CCDC149: variants seen among roughly 807,000 people sequenced by gnomAD.
CCDC149 encodes coiled-coil domain-containing protein 149.
Under a neutral mutation model 59.9 loss-of-function variants are expected in CCDC149, and 45 were observed. The observed-to-expected ratio is 0.75, with a 90% CI of 0.59 to 0.96. The LOEUF (loss-of-function observed/expected upper bound fraction) is 0.96. Among genes scored for constraint, CCDC149 ranks in the 40% least tolerant of loss-of-function variants. The pLI is 0.00. For missense variants in CCDC149, 584 were observed against 664.7 expected (o/e 0.88, Z 1.33); for synonymous variants, 245 against 260.6 (o/e 0.94, Z 0.58).
chr4:24,936,403 A>C (rs1288692500), intron 1 of CCDC149, among the ~76,000 whole-genome samples: 1 of 152,000 alleles, frequency 6.6e-6, no homozygotes, highest in East Asian at 1.9e-4. Context: ...ATTTTCTTTA[A>C]ATATTTTAAA....
At chr4:24,827,517 G>C (rs1715840113) in intron 9 of CCDC149, 2 of 152,236 alleles carry the variant, frequency 1.3e-5, no homozygotes, top group Admixed American at 1.3e-4. Context: ...GGGCCTGGGG[G>C]GAAGGTCTGG....
At chr4:24,900,746 T>G (rs527612455) in intron 1 of CCDC149, among the ~76,000 whole-genome samples, 1 of 152,322 alleles carries the variant, frequency 6.6e-6, no homozygotes, top group Non-Finnish European at 1.5e-5. Flanking sequence ...ACTTCAAGAT[T>G]GGCATCATGG....
intron 1 of CCDC149, among the ~76,000 whole-genome samples, chr4:24,923,317 A>G (rs1163264991): frequency 1.3e-5 from 2 of 152,226 alleles, no homozygotes; most frequent in Non-Finnish European, 2.9e-5. Flanking sequence ...AGTTCCTACT[A>G]TGTTGAGTTC....
intron 1 of CCDC149, among the ~76,000 whole-genome samples, chr4:24,936,378 G>T (rs1216135986): frequency 6.6e-6 from 1 of 151,178 alleles, no homozygotes; most frequent in African/African-American, 2.4e-5. Context: ...TATGTTCTAG[G>T]GAAAATCAGG....
At chr4:24,922,358 C>T (rs1322351999) in intron 1 of CCDC149, among the ~76,000 whole-genome samples, 1 of 151,884 alleles carries the variant, frequency 6.6e-6, no homozygotes, top group Non-Finnish European at 1.5e-5. Context: ...AATGCATCAC[C>T]ATTCCAAGAC....
chr4:24,870,954 A>G (rs1719002871), intron 3 of CCDC149, among the ~76,000 whole-genome samples: 1 of 151,384 alleles, frequency 6.6e-6, no homozygotes. Context: ...CTAAGGCAGG[A>G]GAATGTCATG....
At position 24,808,208 on chromosome 4, in the gene CCDC149, T is replaced by C. The variant is rs1390071624; in HGVS notation, c.*181A>G. 35 of 459,966 alleles carry C rather than the reference T, an allele frequency of 7.6e-5. No homozygotes were observed. Among genetic ancestry groups the C allele is most frequent in the Non-Finnish European group, 1.1e-4 (31 of 273,304 alleles). 28.5% of individuals were successfully genotyped at this position (459,966 alleles called of 1,614,324 possible). Reference sequence around the variant, plus strand: ...GAGAAGCTTGAGGACCTACATTTAATAAATCAAACTGTACTGGCATCATCA... The same window carrying C: ...GAGAAGCTTGAGGACCTACATTTAACAAATCAAACTGTACTGGCATCATCA... On this transcript the variant is annotated 3_prime_UTR_variant, in exon 13 of 13. Coordinates refer to ENST00000635206, the MANE Select transcript of CCDC149 (RefSeq NM_001330643.2).
intron 1 of CCDC149, among the ~76,000 whole-genome samples, chr4:24,884,762 AG>A (rs1029056660): frequency 1.8e-4 from 28 of 152,336 alleles, no homozygotes; most frequent in African/African-American, 6.3e-4. Context: ...GGTTGGTATG[AG>A]AATTAAGAGT....
rs533286950 is a variant in CCDC149 at position 24,948,656 on chromosome 4, G to T, written c.-65+31413C>A. On this transcript the variant is annotated intron_variant, in intron 1 of 12. Transcript: ENST00000389609. ...ACTGGTTGGCAGTGGCAGTGCTCCT[G>T]CCCAGTGTCCTCCTTCCACCATATC... Among the ~76,000 whole-genome samples the T allele has an allele frequency of 1.2e-4, 18 of 152,276 alleles. No individual in the cohort carries two copies. The South Asian group carries it at 3.5e-3, about 30-fold the overall frequency.
intron 4 of CCDC149, among the ~76,000 whole-genome samples, chr4:24,842,747 C>T (rs762199638): frequency 6.6e-6 from 1 of 152,172 alleles, no homozygotes; most frequent in African/African-American, 2.4e-5. Flanking sequence ...AGTCTGTCCT[C>T]CATGAAGCCT....
intron 1 of CCDC149, among the ~76,000 whole-genome samples, chr4:24,905,305 C>A (rs1214236732): frequency 6.6e-6 from 1 of 151,656 alleles, no homozygotes; most frequent in Admixed American, 6.6e-5. Flanking sequence ...TTAACAGAGT[C>A]CGCCAAAGAG....
chr4:24,833,759 G>C (rs1265323550), intron 8 of CCDC149, among the ~76,000 whole-genome samples: 1 of 152,180 alleles, frequency 6.6e-6, no homozygotes, highest in African/African-American at 2.4e-5. Flanking sequence ...CTGTTTTGTA[G>C]CAAAATGTTT....
chr4:24,905,390 GTCT>G (rs1308304493), intron 1 of CCDC149, among the ~76,000 whole-genome samples: 1 of 149,130 alleles, frequency 6.7e-6, no homozygotes, highest in East Asian at 2.0e-4. Context: ...GTCCTATATA[GTCT>G]TCTTTCTTTT....
chr4:24,836,544 G>T, intron 6 of CCDC149, 36 bp from the exon 7 acceptor site: 1 of 1,411,462 alleles, frequency 7.1e-7, no homozygotes, highest in Non-Finnish European at 1.0e-6. Flanking sequence ...AGGTGTTTAA[G>T]GGCTAAATAA....
intron 3 of CCDC149, among the ~76,000 whole-genome samples, chr4:24,865,170 G>T (rs1012254036): frequency 6.6e-6 from 1 of 152,106 alleles, no homozygotes; most frequent in Non-Finnish European, 1.5e-5. Context: ...GCAAGCCCTT[G>T]ACCTAGGCAC....
chr4:24,913,429 G>A (rs976517482), upstream of CCDC149, among the ~76,000 whole-genome samples: 3 of 152,220 alleles, frequency 2.0e-5, no homozygotes, highest in African/African-American at 7.2e-5. Context: ...TATATTTATT[G>A]GACGAATATT....
At chr4:24,815,884 A>G (rs935517885) in intron 12 of CCDC149, among the ~76,000 whole-genome samples, 16 of 152,108 alleles carry the variant, frequency 1.1e-4, no homozygotes, top group Admixed American at 1.0e-3. Flanking sequence ...TGCTGTCCTC[A>G]TTAGAGATTA....
intron 1 of CCDC149, among the ~76,000 whole-genome samples, chr4:24,941,881 C>G (rs566775027): frequency 2.6e-5 from 4 of 152,092 alleles, no homozygotes; most frequent in Admixed American, 1.3e-4. Flanking sequence ...CAATAACAGG[C>G]TCTGAAATTG....
At chr4:24,929,002 G>A (rs922055299) in intron 1 of CCDC149, among the ~76,000 whole-genome samples, 38 of 152,120 alleles carry the variant, frequency 2.5e-4, no homozygotes, top group Non-Finnish European at 4.6e-4. Context: ...CTATGTGTCC[G>A]CCTAATTTAA....
Sources: allele counts gnomAD v4.1 joint callset (sites outside exome capture counted in the v4.1 genomes callset), GRCh38; gene constraint gnomAD v4.1.1; transcripts MANE v1.5; gene names NCBI Gene and HGNC (gene_info 2026-07-23, HGNC 2026-07-21).